The following GALNTL6 variants were observed in gnomAD, a reference collection of about 807,000 sequenced individuals.
GALNTL6 encodes polypeptide N-acetylgalactosaminyltransferase-like 6.
A neutral mutation model predicts 73.7 loss-of-function variants in GALNTL6; 46 were observed. That is an observed-to-expected ratio of 0.62 (90% CI 0.49 to 0.80). The LOEUF (loss-of-function observed/expected upper bound fraction) is 0.80, where lower values mean the gene tolerates loss of function less well. Ranked by LOEUF, GALNTL6 falls within the 30% of genes least tolerant of loss-of-function variation. The probability of loss-of-function intolerance (pLI) is 0.00; values close to 1 mark genes in which losing one functional copy is unlikely to be tolerated. For synonymous variants in GALNTL6, 259 were observed against 263.7 expected (o/e 0.98, Z 0.17); for missense variants, 604 against 755.0 (o/e 0.80, Z 2.34).
intron 5 of GALNTL6, among the ~76,000 whole-genome samples, chr4:172,582,420 A>C (rs1345300418): frequency 6.6e-6 from 1 of 152,148 alleles, no homozygotes; most frequent in Non-Finnish European, 1.5e-5. Context: ...AGATACCATA[A>C]TCTGTGAATT....
intron 5 of GALNTL6, among the ~76,000 whole-genome samples, chr4:172,437,650 A>G (rs1320081292): frequency 6.6e-6 from 1 of 152,116 alleles, no homozygotes; most frequent in East Asian, 1.9e-4. Flanking sequence ...TTTAGTAACC[A>G]TATTATACTT....
intron 5 of GALNTL6, among the ~76,000 whole-genome samples, chr4:172,731,350 A>T (rs904270387): frequency 6.6e-6 from 1 of 152,116 alleles, no homozygotes; most frequent in Non-Finnish European, 1.5e-5. Flanking sequence ...GTAGTTGTTC[A>T]TGATAATCTG....
At chr4:172,069,526 A>G (rs13140182) in intron 2 of GALNTL6, among the ~76,000 whole-genome samples, 2,881 of 19,520 alleles carry the variant, frequency 0.15, 878 homozygotes, top group South Asian at 0.29. Context: ...TTATATGTAT[A>G]ACACATATAT....
At chr4:172,567,086 T>G (rs2110939416) in intron 5 of GALNTL6, among the ~76,000 whole-genome samples, 1 of 152,160 alleles carries the variant, frequency 6.6e-6, no homozygotes, top group African/African-American at 2.4e-5. Flanking sequence ...TTCCATTCAC[T>G]TGGGGGTGAG....
rs543193489 is a variant in GALNTL6, at chr4:172,662,492, T to G, written c.554-146869T>G. On this transcript the variant is annotated intron_variant, in intron 5 of 12. Transcript: ENST00000506823. Reference sequence around the variant, plus strand: ...TTCTGCCACGATAATCGGCAGTGTATAGTTAGTAACAGCTCAGTCAACGGG... The same window carrying G: ...TTCTGCCACGATAATCGGCAGTGTAGAGTTAGTAACAGCTCAGTCAACGGG... Among the ~76,000 whole-genome samples the G allele has an allele frequency of 3.3e-5, 5 of 152,306 alleles. No homozygotes were observed. In the East Asian group the frequency reaches 9.7e-4, roughly 29 times the overall value.
intron 2 of GALNTL6, among the ~76,000 whole-genome samples, chr4:171,903,641 C>A (rs997052487): frequency 1.7e-4 from 25 of 144,840 alleles, no homozygotes; most frequent in Non-Finnish European, 1.6e-4. Context: ...TGGAGCCCAC[C>A]ACAGCTCAAG....
intron 12 of GALNTL6, among the ~76,000 whole-genome samples, chr4:173,022,628 A>G (rs1030335473): frequency 6.6e-6 from 1 of 152,212 alleles, no homozygotes; most frequent in Non-Finnish European, 1.5e-5. Flanking sequence ...ATGTAGATAT[A>G]ATTGCTGCAA....
chr4:171,967,458 T>TTGTTTTTTG lies in GALNTL6; in HGVS notation c.138+152741_138+152742insGTTTTTTGT, dbSNP rs1560863220. On this transcript the variant is annotated intron_variant, in intron 2 of 12. Coordinates refer to ENST00000506823, the MANE Select transcript of GALNTL6 (RefSeq NM_001034845.3). ...TCTTCCCCCTATGGGTTTTTTTTTT[T>TTGTTTTTTG]TTTTTTTGTAGATGTAGTTCTACTT... Among the ~76,000 whole-genome samples the TTGTTTTTTG allele has an allele frequency of 1.4e-3, 212 of 150,556 alleles. 5 individuals are homozygous for TTGTTTTTTG. Among genetic ancestry groups the TTGTTTTTTG allele is most frequent in the African/African-American group, 4.7e-3 (192 of 40,952 alleles).
intron 10 of GALNTL6, among the ~76,000 whole-genome samples, chr4:172,953,438 C>A (rs1001835557): frequency 1.3e-5 from 2 of 152,184 alleles, no homozygotes; most frequent in African/African-American, 4.8e-5. Context: ...TTGATTGTCT[C>A]GCATTGTGGA....
At chr4:172,077,499 G>C (rs1731736604) in intron 2 of GALNTL6, among the ~76,000 whole-genome samples, 1 of 152,072 alleles carries the variant, frequency 6.6e-6, no homozygotes, top group Non-Finnish European at 1.5e-5. Flanking sequence ...GAGATCTTTG[G>C]AAATTTGAAC....
At chr4:172,956,994 G>A (rs927767420) in intron 10 of GALNTL6, among the ~76,000 whole-genome samples, 5 of 152,204 alleles carry the variant, frequency 3.3e-5, no homozygotes, top group Non-Finnish European at 7.3e-5. Flanking sequence ...TGACAGAAGA[G>A]AAGAGATGAC....
In GALNTL6 at chr4:172,111,086, A is replaced by G. The variant is rs559832566; in HGVS notation, c.139-118570A>G. Among the ~76,000 whole-genome samples, 74 of 152,216 alleles carry G rather than the reference A, an allele frequency of 4.9e-4. 3 individuals are homozygous for G. In the South Asian group the frequency reaches 0.015, roughly 30 times the overall value. ...AAGAGCCCTCTTCTCACAGGCAATCAGCATCATTAGATAATCACTCAAGGA... is the reference window on the plus strand; with the variant it reads ...AAGAGCCCTCTTCTCACAGGCAATCGGCATCATTAGATAATCACTCAAGGA... On this transcript the variant is annotated intron_variant, in intron 2 of 12. Transcript: ENST00000506823.
intron 5 of GALNTL6, among the ~76,000 whole-genome samples, chr4:172,536,840 G>A (rs1457876863): frequency 1.3e-5 from 2 of 152,154 alleles, no homozygotes; most frequent in African/African-American, 2.4e-5. Context: ...CATAATTAAT[G>A]AGGAGCCAAA....
intron 5 of GALNTL6, among the ~76,000 whole-genome samples, chr4:172,474,298 C>T (rs183107374): frequency 6.6e-6 from 1 of 152,318 alleles, no homozygotes; most frequent in African/African-American, 2.4e-5. Context: ...ACCCTGTCTC[C>T]ACCCTAGCAC....
intron 5 of GALNTL6, among the ~76,000 whole-genome samples, chr4:172,733,935 T>C (rs1466916156): frequency 6.6e-6 from 1 of 152,116 alleles, no homozygotes; most frequent in Non-Finnish European, 1.5e-5. Flanking sequence ...TGGAAAAGTT[T>C]GGAGGGCTCA....
chr4:172,153,490 T>C (rs1459110372), intron 2 of GALNTL6, among the ~76,000 whole-genome samples: 4 of 152,228 alleles, frequency 2.6e-5, no homozygotes, highest in African/African-American at 9.6e-5. Flanking sequence ...TTTGTTTTCA[T>C]TTAGTTACAA....
At chr4:172,165,167 T>C (rs538215875) in intron 2 of GALNTL6, among the ~76,000 whole-genome samples, 1 of 152,290 alleles carries the variant, frequency 6.6e-6, no homozygotes, top group East Asian at 1.9e-4. Context: ...CTTTATTTTA[T>C]GCTTAATTTG....
Position 172,601,100 on chromosome 4 carries a change from G to T in GALNTL6, c.554-208261G>T, listed in dbSNP as rs147503265. ...AGAAAATATGAATATAATGAGGAGA[G>T]AAATAAAATGTATTTTTTAAAAACT... On this transcript the variant is annotated intron_variant, in intron 5 of 12. Coordinates refer to ENST00000506823, the MANE Select transcript of GALNTL6 (RefSeq NM_001034845.3). 3.3e-3 allele frequency among the ~76,000 whole-genome samples: 497 copies of T among 151,988 alleles called. 2 individuals carry two copies. Among genetic ancestry groups the T allele is most frequent in the African/African-American group, 0.011 (474 of 41,454 alleles).
chr4:173,008,594 T>G (rs1322240746), intron 10 of GALNTL6, among the ~76,000 whole-genome samples: 2 of 152,220 alleles, frequency 1.3e-5, no homozygotes, highest in Non-Finnish European at 2.9e-5. Context: ...AAACCTCAAA[T>G]CTGTCTCCCC....
Sources: allele counts gnomAD v4.1 joint callset (sites outside exome capture counted in the v4.1 genomes callset), GRCh38; gene constraint gnomAD v4.1.1; transcripts MANE v1.5; gene names NCBI Gene and HGNC (gene_info 2026-07-23, HGNC 2026-07-21).